PEAR1: variants seen among roughly 807,000 people sequenced by gnomAD.
PEAR1 encodes the protein platelet endothelial aggregation receptor 1.
Under a neutral mutation model 131.2 loss-of-function variants are expected in PEAR1, and 113 were observed. That is an observed-to-expected ratio of 0.86 (90% CI 0.74 to 1.01). The LOEUF (loss-of-function observed/expected upper bound fraction) is 1.01, where lower values mean the gene tolerates loss of function less well. PEAR1 is among the 50% of genes least tolerant of loss of function. PEAR1 has a pLI of 0.00. For missense variants in PEAR1, 1,408 were observed against 1,391.1 expected (o/e 1.01, Z -0.19); for synonymous variants, 565 against 523.3 (o/e 1.08, Z -1.09).
chr1:156,897,104 C>A (rs1047943685), intron 1 of PEAR1, among the ~76,000 whole-genome samples: 5 of 152,174 alleles, frequency 3.3e-5, no homozygotes, highest in African/African-American at 4.8e-5. Flanking sequence ...GTGTATCAGT[C>A]CATCCACTCC....
chr1:156,909,452 T>A (rs1192614587), intron 11 of PEAR1, among the ~76,000 whole-genome samples: 4 of 152,180 alleles, frequency 2.6e-5, no homozygotes, highest in Admixed American at 2.6e-4. Context: ...GTCTGGCACA[T>A]CCTCTGTATA....
In PEAR1 at chr1:156,908,163, A is replaced by G. The variant is rs767363444; in HGVS notation, c.938A>G (p.Gln313Arg). 90 of 1,603,376 alleles carry G rather than the reference A, an allele frequency of 5.6e-5. 1 individual carries two copies. Among genetic ancestry groups the G allele is most frequent in the Middle Eastern group, 3.3e-4 (2 of 6,074 alleles). ...REECPVGRFG[Q>R]DCAETCDCAP... ...GAGTGCCCGGTGGGCCGCTTTGGGC[A>G]GGACTGTGCTGAGACGTGCGACTGC... is the stretch of plus-strand genomic sequence containing the variant. Residue 313 changes from glutamine (Q) to arginine (R), a missense_variant, in exon 9 of 23, where the codon CAG becomes CGG. By Grantham distance (43) the Gln-to-Arg change is conservative. Coordinates refer to ENST00000292357, the MANE Select transcript of PEAR1 (RefSeq NM_001080471.3). The surrounding 1 kb of genome is among the most constrained non-coding windows in gnomAD (Gnocchi z 4.2).
rs762148700 is a variant in PEAR1 at position 156,902,865 on chromosome 1, CA to C, written c.-9-1052del. 9.2e-5 allele frequency among the ~76,000 whole-genome samples: 14 copies of C among 152,060 alleles called. No homozygotes were observed. Among genetic ancestry groups the C allele is most frequent in the Admixed American group, 7.2e-4 (11 of 15,278 alleles). ...CAGAGCCGTCTGAAGTGCTGGGAGCCAGGGGTGGTGGGGATGGAGAGGACCC... is the reference window on the plus strand; with the variant it reads ...CAGAGCCGTCTGAAGTGCTGGGAGCCGGGGTGGTGGGGATGGAGAGGACCC... On this transcript the variant is annotated intron_variant, in intron 1 of 22. Transcript: ENST00000292357. The surrounding 1 kb of genome is among the most constrained non-coding windows in gnomAD (Gnocchi z 4.3).
At position 156,908,475 on chromosome 1, in the gene PEAR1, C is replaced by T. The variant is rs904962710; in HGVS notation, c.1115+135C>T. ...AGGGGAAAGGGAGGGACCTCAGGGG[C>T]CGGGAGGGGCCTGGGGTACCGCTAC... On this transcript the variant is annotated intron_variant, in intron 9 of 22. Coordinates refer to ENST00000292357, the MANE Select transcript of PEAR1 (RefSeq NM_001080471.3). This position sits in a 1 kb window ranked among gnomAD's most constrained non-coding sequence, Gnocchi z 4.2. The T allele has an allele frequency of 4.8e-6, 6 of 1,247,626 alleles. No individual in the cohort carries two copies. Among genetic ancestry groups the T allele is most frequent in the African/African-American group, 4.6e-5 (3 of 65,912 alleles). 77.3% of individuals were successfully genotyped at this position (1,247,626 alleles called of 1,614,324 possible).
chr1:156,904,174 GCT>G lies in PEAR1; in HGVS notation c.101+154_101+155del, dbSNP rs1649976211. 8 of 675,416 alleles carry G rather than the reference GCT, an allele frequency of 1.2e-5. No individual in the cohort carries two copies. The East Asian group carries it at 1.9e-4, about 16-fold the overall frequency. 41.8% of individuals were successfully genotyped at this position (675,416 alleles called of 1,614,324 possible). A position where few individuals can be genotyped will look rare whatever the true frequency, so the allele number is the denominator to read the frequency against. The stretch of plus-strand genomic sequence containing the variant: ...CCCTCCCGCCTATTTCTCTGTTTCT[GCT>G]CTCTCTACTCCTCTCTATGGGTTGC... On this transcript the variant is annotated intron_variant, in intron 2 of 22. Transcript: ENST00000292357.
rs1650485679 is a variant in PEAR1 at position 156,907,656 on chromosome 1, A to G, written c.691A>G (p.Ser231Gly). The stretch of plus-strand genomic sequence containing the variant: ...GGGCACTTCTGGCTTCTTCTGCCCC[A>G]GCACCCATTCTTGCCAAAATGGAGG... ...SQGTSGFFCP[S>G]THSCQNGGVF... The change falls in exon 7 of 23, where the codon AGC becomes GGC. Residue 231 changes from serine (S) to glycine (G), a missense_variant. Coordinates refer to ENST00000292357, the MANE Select transcript of PEAR1 (RefSeq NM_001080471.3). 1 of 1,613,954 alleles carries G rather than the reference A, an allele frequency of 6.2e-7. No individual in the cohort carries two copies. Among genetic ancestry groups the G allele is most frequent in the Non-Finnish European group, 8.5e-7 (1 of 1,179,902 alleles).
chr1:156,899,312 C>T (rs1462491214), intron 1 of PEAR1, among the ~76,000 whole-genome samples: 3 of 151,796 alleles, frequency 2.0e-5, no homozygotes, highest in Non-Finnish European at 4.4e-5. Context: ...GCAGTCGGAC[C>T]GAGCAAGGAA....
At chr1:156,913,082 G>A (rs1485886462) in intron 18 of PEAR1, 100 bp downstream of exon 18, 11 of 1,561,778 alleles carry the variant, frequency 7.0e-6, no homozygotes, top group East Asian at 2.3e-5. Context: ...GAGTGGGGAG[G>A]AGGGAGGAAG....
Position 156,902,771 on chromosome 1 carries a change from C to A in PEAR1, c.-9-1147C>A, listed in dbSNP as rs1471310878. ...AAGTTTTGGGAACACGGAATGCAGACCCTGAAGCCGGCTGCGGGGATGGGC... is the reference window on the plus strand; with the variant it reads ...AAGTTTTGGGAACACGGAATGCAGAACCTGAAGCCGGCTGCGGGGATGGGC... On this transcript the variant is annotated intron_variant, in intron 1 of 22. Transcript: ENST00000292357. This position sits in a 1 kb window ranked among gnomAD's most constrained non-coding sequence, Gnocchi z 4.3. 6.6e-6 allele frequency among the ~76,000 whole-genome samples: 1 copy of A among 152,132 alleles called. No individual in the cohort carries two copies. Among genetic ancestry groups the A allele is most frequent in the Non-Finnish European group, 1.5e-5 (1 of 68,022 alleles).
chr1:156,910,223 G>A lies in PEAR1; in HGVS notation c.1679-11G>A, dbSNP rs1316691235. The A allele has an allele frequency of 6.2e-6, 10 of 1,609,798 alleles. No homozygotes were observed. Among genetic ancestry groups the A allele is most frequent in the Admixed American group, 3.3e-5 (2 of 59,732 alleles). ...GCCCAGCCAGGCACACCCGACTGCT[G>A]TCTCCCACAGGTGCCCGCTGCCACC... is the stretch of plus-strand genomic sequence containing the variant. On this transcript the variant is annotated splice_polypyrimidine_tract_variant and intron_variant, in intron 13 of 22. Coordinates refer to ENST00000292357, the MANE Select transcript of PEAR1 (RefSeq NM_001080471.3).
intron 1 of PEAR1, among the ~76,000 whole-genome samples, chr1:156,900,172 C>T (rs1029990692): frequency 6.6e-6 from 1 of 152,186 alleles, no homozygotes; most frequent in African/African-American, 2.4e-5. Flanking sequence ...CTGGGCTGCG[C>T]AGGCGGGACT....
intron 1 of PEAR1, among the ~76,000 whole-genome samples, chr1:156,899,784 C>G (rs139156165): frequency 6.6e-6 from 1 of 151,924 alleles, no homozygotes; most frequent in Non-Finnish European, 1.5e-5. Context: ...GAGGGAACTG[C>G]AGGCTGGGAT....
At chr1:156,901,900 T>G (rs1649719776) in intron 1 of PEAR1, among the ~76,000 whole-genome samples, 2 of 151,316 alleles carry the variant, frequency 1.3e-5, no homozygotes, top group Non-Finnish European at 1.5e-5. Flanking sequence ...TTGGGGACAT[T>G]GGGAGAAGGG....
rs1297386031 is a variant in PEAR1 at position 156,909,903 on chromosome 1, C to T, written c.1564C>T (p.Leu522=). Residue 522 remains leucine (L), a synonymous_variant, in exon 12 of 23, where the codon CTG becomes TTG. Transcript: ENST00000292357. ...TPGWHGAHCQ[L]PCPKGQFGEG... The stretch of plus-strand genomic sequence containing the variant: ...TGGGTGGCATGGGGCCCACTGCCAG[C>T]TGCCCTGTCCGGTGAGTGCTGGACA... 1 of 1,608,074 alleles carries T rather than the reference C, an allele frequency of 6.2e-7. No individual in the cohort carries two copies. The highest frequency in any genetic ancestry group is 1.7e-5 in the Admixed American group (1 of 59,834).
intron 14 of PEAR1, 113 bp from the exon 15 acceptor site, chr1:156,910,505 T>G: frequency 1.3e-6 from 2 of 1,551,106 alleles, no homozygotes; most frequent in Non-Finnish European, 1.7e-6. Context: ...TCTCTTCCTC[T>G]GACCCGTCTT....
chr1:156,914,117 C>A lies in PEAR1; in HGVS notation c.2962+17C>A. The A allele has an allele frequency of 1.3e-6, 2 of 1,568,522 alleles. No individual in the cohort carries two copies. Reference sequence around the variant, plus strand: ...TGATCCATGGTGAGCCCTCCCTCTCCACTGGCAGGAGCAGCAGAGAACTGG... The same window carrying A: ...TGATCCATGGTGAGCCCTCCCTCTCAACTGGCAGGAGCAGCAGAGAACTGG... On this transcript the variant is annotated intron_variant, in intron 22 of 22. Coordinates refer to ENST00000292357, the MANE Select transcript of PEAR1 (RefSeq NM_001080471.3).
Position 156,903,899 on chromosome 1 carries a change from T to C in PEAR1, c.-9-19T>C, listed in dbSNP as rs1227172192. 5 of 1,599,482 alleles carry C rather than the reference T, an allele frequency of 3.1e-6. No individual in the cohort carries two copies. The highest frequency in any genetic ancestry group is 4.3e-6 in the Non-Finnish European group (5 of 1,168,286). On this transcript the variant is annotated intron_variant, in intron 1 of 22. Transcript: ENST00000292357. ...CTGGCTGCAGCGCCACTGCCCACTC[T>C]GCGCCGGTCTTGCTGCAGGCCTCTG...
rs374181717 is a variant in PEAR1, at chr1:156,910,387, C to G, written c.1825+7C>G. On this transcript the variant is annotated splice_region_variant and intron_variant, in intron 14 of 22. Coordinates refer to ENST00000292357, the MANE Select transcript of PEAR1 (RefSeq NM_001080471.3). ...GGCCCCTCCTGCCAGAGATGTGAGGCTCCCTACTGCCCCTTCCACCTGCCA... is the reference window on the plus strand; with the variant it reads ...GGCCCCTCCTGCCAGAGATGTGAGGGTCCCTACTGCCCCTTCCACCTGCCA... 1.3e-5 allele frequency: 21 copies of G among 1,585,814 alleles called. No individual in the cohort carries two copies. The highest frequency in any genetic ancestry group is 1.7e-5 in the Non-Finnish European group (20 of 1,166,322).
chr1:156,908,020 T>C lies in PEAR1; in HGVS notation c.871T>C (p.Cys291Arg). 1 of 1,433,578 alleles carries C rather than the reference T, an allele frequency of 7.0e-7. No individual in the cohort carries two copies. The highest frequency in any genetic ancestry group is 9.4e-7 in the Non-Finnish European group (1 of 1,064,872). 88.8% of individuals were successfully genotyped at this position (1,433,578 alleles called of 1,614,324 possible). A position where few individuals can be genotyped will look rare whatever the true frequency, so the allele number is the denominator to read the frequency against. The part of the protein sequence containing the change: ...GGLCDRFTGQ[C>R]RCAPGYTGDR... The stretch of plus-strand genomic sequence containing the variant: ...CCTCTGTGACCGATTCACTGGGCAG[T>C]GCCGCTGCGCTCCGGGTTACACTGG... The change falls in exon 8 of 23, where the codon TGC becomes CGC. Residue 291 changes from cysteine (C) to arginine (R), a missense_variant. Physicochemically the swap from Cys to Arg is radical, Grantham distance 180 (BLOSUM62 -3). Coordinates refer to ENST00000292357, the MANE Select transcript of PEAR1 (RefSeq NM_001080471.3). This position sits in a 1 kb window ranked among gnomAD's most constrained non-coding sequence, Gnocchi z 4.2.
Sources: allele counts gnomAD v4.1 joint callset (sites outside exome capture counted in the v4.1 genomes callset), GRCh38; gene constraint gnomAD v4.1.1; non-coding constraint Gnocchi (gnomAD v3.1); transcripts MANE v1.5; gene names NCBI Gene and HGNC (gene_info 2026-07-23, HGNC 2026-07-21).